The following HIBCH variants were observed in gnomAD, a reference collection of about 807,000 sequenced individuals.
The protein encoded by HIBCH is 3-hydroxyisobutyryl-CoA hydrolase.
A neutral mutation model predicts 58.2 loss-of-function variants in HIBCH; 50 were observed. That is an observed-to-expected ratio of 0.86 (90% CI 0.68 to 1.09). The LOEUF is 1.09. Among genes scored for constraint, HIBCH ranks in the 50% least tolerant of loss-of-function variants. The pLI, the probability that HIBCH is intolerant of heterozygous loss-of-function variation, is 0.00. For synonymous variants in HIBCH, 151 were observed against 146.9 expected (o/e 1.03, Z -0.20); for missense variants, 450 against 449.7 (o/e 1.00, Z -0.01).
At chr2:190,302,084 T>C (rs1364272980) in intron 2 of HIBCH, among the ~76,000 whole-genome samples, 3 of 152,022 alleles carry the variant, frequency 2.0e-5, no homozygotes, top group African/African-American at 7.2e-5. Flanking sequence ...CTATGACAAA[T>C]GAACTGTCAA....
chr2:190,265,866 C>T (rs927859555), intron 6 of HIBCH, among the ~76,000 whole-genome samples: 7 of 151,970 alleles, frequency 4.6e-5, no homozygotes, highest in African/African-American at 1.2e-4. Flanking sequence ...TTTTCATTTC[C>T]GTATTTGTAA....
intron 11 of HIBCH, among the ~76,000 whole-genome samples, chr2:190,232,874 C>T (rs185961986): frequency 1.3e-3 from 191 of 152,176 alleles, no homozygotes; most frequent in African/African-American, 4.4e-3. Flanking sequence ...AGGAGAATGG[C>T]GTGAACCCGG....
chr2:190,296,876 G>C lies in HIBCH; in HGVS notation c.156C>G (p.Asn52Lys). The change falls in exon 3 of 14, where the codon AAC (asparagine) becomes AAG (lysine). Residue 52 changes from asparagine (N) to lysine (K), a missense_variant. Coordinates refer to ENST00000359678, the MANE Select transcript of HIBCH (RefSeq NM_014362.4). ...TCAGTGCATTGAGGAACTTTGGTCT[G>C]TTTAGTGTTATGACTCCCGTGCAAC... The part of the protein sequence containing the change: ...KKGCTGVITL[N>K]RPKFLNALTL... 1.2e-6 allele frequency: 2 copies of C among 1,613,826 alleles called. No individual in the cohort carries two copies. Among genetic ancestry groups the C allele is most frequent in the Non-Finnish European group, 1.7e-6 (2 of 1,179,730 alleles).
chr2:190,290,547 T>C, intron 4 of HIBCH, 62 bp from the exon 5 acceptor site: 1 of 1,061,748 alleles, frequency 9.4e-7, no homozygotes, highest in South Asian at 1.3e-5. Flanking sequence ...GTCAACTAGA[T>C]CAAAAGTATT....
At chr2:190,221,837 C>T (rs1470664602) in intron 11 of HIBCH, among the ~76,000 whole-genome samples, 1 of 152,158 alleles carries the variant, frequency 6.6e-6, no homozygotes, top group African/African-American at 2.4e-5. Context: ...GGAATCTGGC[C>T]AGGGATGGCC....
chr2:190,313,184 G>GT (rs1478441697), intron 1 of HIBCH, among the ~76,000 whole-genome samples: 10 of 152,070 alleles, frequency 6.6e-5, no homozygotes, highest in Non-Finnish European at 1.5e-4. Flanking sequence ...CCTATCCTAC[G>GT]TAACTATTGG....
At chr2:190,238,706 G>A (rs527417017) in intron 11 of HIBCH, among the ~76,000 whole-genome samples, 10 of 152,268 alleles carry the variant, frequency 6.6e-5, no homozygotes, top group South Asian at 2.1e-4. Context: ...CTCGTGATCC[G>A]CCCTCTGTGG....
intron 1 of HIBCH, 196 bp from the exon 2 acceptor site, chr2:190,310,992 A>G (rs1177222965): frequency 5.8e-6 from 4 of 694,978 alleles, no homozygotes; most frequent in African/African-American, 1.7e-5. Context: ...ATTTTATGGT[A>G]ACTTTATTCA....
intron 1 of HIBCH, among the ~76,000 whole-genome samples, chr2:190,195,677 G>A (rs1366970872): frequency 1.3e-5 from 2 of 152,108 alleles, no homozygotes; most frequent in African/African-American, 4.8e-5. Flanking sequence ...TATCAAATAT[G>A]CTTTTGCAAT....
chr2:190,319,491 G>C (rs748607209), intron 1 of HIBCH, among the ~76,000 whole-genome samples: 3 of 151,482 alleles, frequency 2.0e-5, no homozygotes, highest in Non-Finnish European at 2.9e-5. Context: ...TTAAGAGCCA[G>C]AGTGGCAGAA....
At chr2:190,288,147 AG>A (rs1214146700) in intron 5 of HIBCH, among the ~76,000 whole-genome samples, 6 of 127,330 alleles carry the variant, frequency 4.7e-5, no homozygotes, top group African/African-American at 1.8e-4. Context: ...CAACAGACCA[AG>A]ACCCTATCTT....
intron 2 of HIBCH, among the ~76,000 whole-genome samples, chr2:190,300,779 G>A (rs1393990619): frequency 6.6e-6 from 1 of 152,200 alleles, no homozygotes; most frequent in Non-Finnish European, 1.5e-5. Flanking sequence ...GGTTTTTACA[G>A]CTTTGGGTTT....
intron 6 of HIBCH, among the ~76,000 whole-genome samples, chr2:190,277,967 A>C (rs764860209): frequency 2.6e-5 from 4 of 152,236 alleles, no homozygotes; most frequent in Non-Finnish European, 4.4e-5. Context: ...TTCTTTTAAC[A>C]GATTAAAAAT....
intron 3 of HIBCH, among the ~76,000 whole-genome samples, chr2:190,295,274 T>A (rs1688073928): frequency 6.6e-6 from 1 of 152,220 alleles, no homozygotes; most frequent in Non-Finnish European, 1.5e-5. Context: ...GTATCCCTTA[T>A]CTGAAATGCT....
At chr2:190,249,404 T>C (rs1224293376) in intron 9 of HIBCH, among the ~76,000 whole-genome samples, 1 of 152,208 alleles carries the variant, frequency 6.6e-6, no homozygotes, top group Non-Finnish European at 1.5e-5. Flanking sequence ...GGCTATGCAC[T>C]GAAGTTAACC....
intron 6 of HIBCH, among the ~76,000 whole-genome samples, chr2:190,282,373 G>A (rs1338472483): frequency 1.3e-5 from 2 of 152,166 alleles, no homozygotes; most frequent in African/African-American, 2.4e-5. Flanking sequence ...TCTAGTGAGG[G>A]CCTTATGTTA....
At chr2:190,267,323 G>A (rs1368897553) in intron 6 of HIBCH, among the ~76,000 whole-genome samples, 1 of 152,094 alleles carries the variant, frequency 6.6e-6, no homozygotes, top group African/African-American at 2.4e-5. Flanking sequence ...TCCTGCCTCA[G>A]CCTCCTGAGT....
At position 190,206,022 on chromosome 2, in the gene HIBCH, G is replaced by A. The variant is rs1372134019; in HGVS notation, c.1046-790C>T. Among the ~76,000 whole-genome samples the A allele has an allele frequency of 6.6e-6, 1 of 152,162 alleles. No individual in the cohort carries two copies. Among genetic ancestry groups the A allele is most frequent in the African/African-American group, 2.4e-5 (1 of 41,434 alleles). ...AAATTTTAATGTTATGGTTGTGGCA[G>A]CAAATTTCAACCATGCTTAAAATGC... On this transcript the variant is annotated intron_variant, in intron 13 of 13. Coordinates refer to ENST00000359678, the MANE Select transcript of HIBCH (RefSeq NM_014362.4). The surrounding 1 kb of genome is among the most constrained non-coding windows in gnomAD (Gnocchi z 5.1).
downstream of HIBCH, chr2:190,202,244 C>T (rs3749016): frequency 0.29 from 48,574 of 166,872 alleles, 8,307 homozygotes; most frequent in East Asian, 0.48. Flanking sequence ...CCAAGCACCA[C>T]TCCCTTGTCC....
Sources: allele counts gnomAD v4.1 joint callset (sites outside exome capture counted in the v4.1 genomes callset), GRCh38; gene constraint gnomAD v4.1.1; non-coding constraint Gnocchi (gnomAD v3.1); transcripts MANE v1.5; gene names NCBI Gene and HGNC (gene_info 2026-07-23, HGNC 2026-07-21).